The following ADAMTS6 variants were observed in gnomAD, a reference collection of about 807,000 sequenced individuals.
The protein encoded by ADAMTS6 is A disintegrin and metalloproteinase with thrombospondin motifs 6.
In ADAMTS6, 23 loss-of-function variants were observed where a neutral mutation model predicts 144.3. The observed-to-expected ratio is 0.16, with a 90% CI of 0.11 to 0.23. ADAMTS6 has a LOEUF of 0.23. Among genes scored for constraint, ADAMTS6 ranks in the 10% least tolerant of loss-of-function variants. ADAMTS6 has a pLI of 1.00. For missense variants in ADAMTS6, 999 were observed against 1,379.6 expected (o/e 0.72, Z 4.37); for synonymous variants, 444 against 457.5 (o/e 0.97, Z 0.38).
intron 7 of ADAMTS6, among the ~76,000 whole-genome samples, chr5:65,394,357 G>A (rs1366972424): frequency 6.6e-6 from 1 of 152,194 alleles, no homozygotes; most frequent in Non-Finnish European, 1.5e-5. Flanking sequence ...TTCACCTCCA[G>A]TAACAGTCTA....
chr5:65,406,625 T>C (rs1442218951), intron 7 of ADAMTS6, among the ~76,000 whole-genome samples: 5 of 152,090 alleles, frequency 3.3e-5, no homozygotes, highest in African/African-American at 1.2e-4. Context: ...TGTTGTGTAT[T>C]TGCCAGGCTT....
chr5:65,195,862 CAT>C (rs1293933310), intron 21 of ADAMTS6, among the ~76,000 whole-genome samples: 14 of 152,216 alleles, frequency 9.2e-5, no homozygotes, highest in East Asian at 3.8e-4. Context: ...GCCAATCACA[CAT>C]GTTTTCTCTT....
intron 24 of ADAMTS6, among the ~76,000 whole-genome samples, chr5:65,168,283 A>G (rs1421309790): frequency 6.6e-6 from 1 of 151,880 alleles, no homozygotes; most frequent in African/African-American, 2.4e-5. Context: ...TCCCATTCAC[A>G]ATTGCTTCAA....
intron 24 of ADAMTS6, among the ~76,000 whole-genome samples, chr5:65,162,766 ATCCTCTC>A (rs1448046771): frequency 1.3e-5 from 2 of 152,198 alleles, no homozygotes; most frequent in Admixed American, 1.3e-4. Context: ...TGATAGTTAT[ATCCTCTC>A]TCCTACCTTA....
At chr5:65,310,120 CT>C (rs1744347856) in intron 9 of ADAMTS6, among the ~76,000 whole-genome samples, 1 of 151,788 alleles carries the variant, frequency 6.6e-6, no homozygotes, top group South Asian at 2.1e-4. Context: ...TCCTCCCTCT[CT>C]CTCTTGCTCC....
intron 20 of ADAMTS6, among the ~76,000 whole-genome samples, chr5:65,206,910 C>T (rs185514160): frequency 1.3e-5 from 2 of 150,486 alleles, no homozygotes; most frequent in African/African-American, 4.9e-5. Context: ...CTTAAAATGA[C>T]ATTCAGGGAA....
chr5:65,320,001 A>G (rs1213833180), intron 9 of ADAMTS6, among the ~76,000 whole-genome samples: 1 of 151,718 alleles, frequency 6.6e-6, no homozygotes, highest in Non-Finnish European at 1.5e-5. Context: ...GTGCCACCAC[A>G]CCTGGCTTAT....
chr5:65,266,767 T>C (rs1285305251), intron 12 of ADAMTS6, among the ~76,000 whole-genome samples: 3 of 152,136 alleles, frequency 2.0e-5, no homozygotes, highest in Admixed American at 1.3e-4. Context: ...TTGATTTTGA[T>C]CTCTGCAGAA....
intron 7 of ADAMTS6, among the ~76,000 whole-genome samples, chr5:65,400,683 G>A (rs1344994646): frequency 6.6e-6 from 1 of 152,080 alleles, no homozygotes; most frequent in Non-Finnish European, 1.5e-5. Flanking sequence ...CATTGCACAT[G>A]TATTACATCT....
chr5:65,264,568 A>G (rs1161983196), intron 12 of ADAMTS6, among the ~76,000 whole-genome samples: 1 of 152,086 alleles, frequency 6.6e-6, no homozygotes, highest in Non-Finnish European at 1.5e-5. Context: ...CTACTGCTTT[A>G]GTTCCCTCTT....
intron 20 of ADAMTS6, among the ~76,000 whole-genome samples, chr5:65,206,372 A>G (rs1407832167): frequency 6.6e-6 from 1 of 152,206 alleles, no homozygotes. Flanking sequence ...AAAATTCAAA[A>G]TAGTAGTTGG....
chr5:65,162,623 ACAC>A (rs1752848099), intron 24 of ADAMTS6, among the ~76,000 whole-genome samples: 1 of 32,306 alleles, frequency 3.1e-5, no homozygotes, highest in South Asian at 8.3e-4. Flanking sequence ...AAGATACTAC[ACAC>A]ACACACACAC....
At chr5:65,415,635 C>CG in intron 7 of ADAMTS6, 1 of 302,602 alleles carries the variant, frequency 3.3e-6, no homozygotes, top group Non-Finnish European at 6.5e-6. Flanking sequence ...TGATTTTTTT[C>CG]GGGGGCTCTC....
intron 15 of ADAMTS6, among the ~76,000 whole-genome samples, chr5:65,241,734 G>T (rs1580161158): frequency 6.6e-6 from 1 of 151,948 alleles, no homozygotes; most frequent in Non-Finnish European, 1.5e-5. Flanking sequence ...CTTGTTTTAG[G>T]GTGATAATTG....
chr5:65,350,814 C>T (rs1022214229), intron 7 of ADAMTS6, among the ~76,000 whole-genome samples: 4 of 151,922 alleles, frequency 2.6e-5, no homozygotes, highest in Admixed American at 1.3e-4. Context: ...CAACCAGGCC[C>T]GGCCAATTTT....
chr5:65,468,512 T>G (rs1447397357), intron 3 of ADAMTS6, among the ~76,000 whole-genome samples: 1 of 151,286 alleles, frequency 6.6e-6, no homozygotes, highest in Non-Finnish European at 1.5e-5. Flanking sequence ...TGTAAAAGTG[T>G]GAAACATCTG....
chr5:65,459,278 G>A (rs1473636607), intron 4 of ADAMTS6, among the ~76,000 whole-genome samples: 1 of 152,070 alleles, frequency 6.6e-6, no homozygotes, highest in Admixed American at 6.6e-5. Context: ...TGCAAGAGTA[G>A]TCTTTCTAAA....
intron 7 of ADAMTS6, among the ~76,000 whole-genome samples, chr5:65,448,960 C>T (rs1333226353): frequency 6.6e-6 from 1 of 152,126 alleles, no homozygotes; most frequent in African/African-American, 2.4e-5. Flanking sequence ...ATGATTTAAA[C>T]ACACGTTGGA....
chr5:65,179,824 C>G (rs1192276299), intron 22 of ADAMTS6, among the ~76,000 whole-genome samples: 1 of 152,142 alleles, frequency 6.6e-6, no homozygotes, highest in Non-Finnish European at 1.5e-5. Context: ...GTCCCTAACA[C>G]CATCAGCCTG....
Sources: gnomAD v4.1 joint callset for allele counts (sites outside exome capture counted in the v4.1 genomes callset) on GRCh38, gnomAD v4.1.1 for gene constraint, MANE v1.5 for transcripts, NCBI Gene and HGNC (gene_info 2026-07-23, HGNC 2026-07-21) for gene names.